IFI27L1: variants seen among roughly 807,000 people sequenced by gnomAD.
IFI27L1 encodes the protein interferon alpha-inducible protein 27-like protein 1.
Under a neutral mutation model 9.2 loss-of-function variants are expected in IFI27L1, and 3 were observed. The ratio of observed to expected loss-of-function variants is 0.32; its 90% CI spans 0.15 to 0.84. The LOEUF is 0.84. Ranked by LOEUF, IFI27L1 falls within the 40% of genes least tolerant of loss-of-function variation. The probability of loss-of-function intolerance (pLI) is 0.56; values close to 1 mark genes in which losing one functional copy is unlikely to be tolerated. For missense variants in IFI27L1, 133 were observed against 134.2 expected, an observed-to-expected ratio of 0.99 and a Z score of 0.05; for synonymous variants, 53 against 50.0, an observed-to-expected ratio of 1.06 and a Z score of -0.26.
intron 1 of IFI27L1, among the ~76,000 whole-genome samples, chr14:94,092,470 C>G (rs2139267773): frequency 6.6e-6 from 1 of 152,158 alleles, no homozygotes; most frequent in Middle Eastern, 3.4e-3. Context: ...AAGATTGCAC[C>G]ACTGCACTCC....
chr14:94,100,707 TTTGTTG>T (rs547225458), intron 2 of IFI27L1, 26 bp from the exon 3 acceptor site: 165 of 1,594,562 alleles, frequency 1.0e-4, no homozygotes, highest in Non-Finnish European at 1.3e-4. Flanking sequence ...TGTTTGTTTG[TTTGTTG>T]TTGTTGTTGT....
intron 1 of IFI27L1, among the ~76,000 whole-genome samples, chr14:94,085,543 AT>A (rs2141445414): frequency 6.6e-6 from 1 of 152,290 alleles, no homozygotes; most frequent in South Asian, 2.1e-4. Context: ...GGGAAAACAC[AT>A]TTCGGCGAAA....
intron 1 of IFI27L1, among the ~76,000 whole-genome samples, chr14:94,088,606 A>G (rs1567067547): frequency 6.6e-6 from 1 of 151,178 alleles, no homozygotes; most frequent in East Asian, 1.9e-4. Flanking sequence ...ACAATCTTAT[A>G]GTCACCTAAT....
chr14:94,098,372 C>G (rs2092789), intron 2 of IFI27L1, among the ~76,000 whole-genome samples: 66,564 of 151,550 alleles, frequency 0.44, 14,997 homozygotes, highest in South Asian at 0.57. Flanking sequence ...ACGTGGGCTT[C>G]TCCCTGTGTG....
chr14:94,094,523 T>G (rs1246848811), intron 1 of IFI27L1, among the ~76,000 whole-genome samples: 1 of 152,148 alleles, frequency 6.6e-6, no homozygotes, highest in African/African-American at 2.4e-5. Flanking sequence ...CAAAAGACTT[T>G]GCTGATAAAG....
At chr14:94,097,095 T>A (rs1886702979) in intron 2 of IFI27L1, 130 bp downstream of exon 2, 1 of 673,430 alleles carries the variant, frequency 1.5e-6, no homozygotes, top group Non-Finnish European at 2.5e-6. Flanking sequence ...GGAAAAGAAT[T>A]ATTCAGGAAT....
intron 1 of IFI27L1, among the ~76,000 whole-genome samples, chr14:94,087,717 T>C (rs9323900): frequency 0.61 from 93,021 of 151,780 alleles, 30,238 homozygotes; most frequent in East Asian, 0.95. Flanking sequence ...TGAGCCACCG[T>C]GCCCAGCCGA....
rs901556259 is a variant in IFI27L1 at position 94,084,331 on chromosome 14, G to A, written c.-52+2882G>A. Among the ~76,000 whole-genome samples, 6 of 152,178 alleles carry A rather than the reference G, an allele frequency of 3.9e-5. No individual in the cohort carries two copies. In the South Asian group the frequency reaches 6.2e-4, roughly 16 times the overall value. ...AGCCCAGGCGACATGGTGAAACCCC[G>A]TCTCTACAAAAAATGCAAAAATTAA... On this transcript the variant is annotated intron_variant, in intron 1 of 4. Transcript: ENST00000555523.
chr14:94,088,017 A>T (rs4905157), intron 1 of IFI27L1, among the ~76,000 whole-genome samples: 21,396 of 152,146 alleles, frequency 0.14, 1,949 homozygotes, highest in East Asian at 0.5. Context: ...CCTGAGGCAG[A>T]TTATAAGGAT....
At chr14:94,100,305 C>A in intron 2 of IFI27L1, 1 of 985,372 alleles carries the variant, frequency 1.0e-6, no homozygotes, top group Non-Finnish European at 1.2e-6. Context: ...GCGCCTCTTC[C>A]TGGGGAGGTG....
At chr14:94,101,113 C>A in intron 3 of IFI27L1, 1 of 506,344 alleles carries the variant, frequency 2.0e-6, no homozygotes, top group Non-Finnish European at 3.5e-6. Context: ...GGGAGTATGT[C>A]AGCTGAGCTG....
intron 1 of IFI27L1, among the ~76,000 whole-genome samples, chr14:94,092,524 A>T (rs1314470484): frequency 6.6e-6 from 1 of 152,148 alleles, no homozygotes; most frequent in African/African-American, 2.4e-5. Context: ...AACAAAACAA[A>T]ACAAAACAAA....
chr14:94,097,041 C>T (rs1173155113), intron 2 of IFI27L1, 76 bp downstream of exon 2: 4 of 1,205,468 alleles, frequency 3.3e-6, no homozygotes, highest in African/African-American at 1.5e-5. Context: ...TCTTCTGACA[C>T]CAGATTATGT....
chr14:94,098,641 G>A (rs941200156), intron 2 of IFI27L1, among the ~76,000 whole-genome samples: 1 of 152,288 alleles, frequency 6.6e-6, no homozygotes, highest in Admixed American at 6.5e-5. Flanking sequence ...AGCTGGGAAC[G>A]TTGAGGCCCG....
intron 1 of IFI27L1, among the ~76,000 whole-genome samples, chr14:94,093,818 G>GT (rs1183491005): frequency 6.6e-6 from 1 of 152,152 alleles, no homozygotes; most frequent in East Asian, 1.9e-4. Flanking sequence ...AAATAAGGAT[G>GT]TGTCTATCTT....
At chr14:94,087,506 A>G (rs1886320923) in intron 1 of IFI27L1, among the ~76,000 whole-genome samples, 1 of 152,148 alleles carries the variant, frequency 6.6e-6, no homozygotes, top group Non-Finnish European at 1.5e-5. Flanking sequence ...GCTCACTGCG[A>G]GCTCCGCCTC....
chr14:94,097,047 T>C, intron 2 of IFI27L1, 82 bp downstream of exon 2: 1 of 1,096,178 alleles, frequency 9.1e-7, no homozygotes, highest in Non-Finnish European at 1.3e-6. Context: ...GACACCAGAT[T>C]ATGTCAACCC....
intron 1 of IFI27L1, among the ~76,000 whole-genome samples, chr14:94,087,468 G>A (rs933508658): frequency 1.3e-4 from 20 of 152,004 alleles, no homozygotes; most frequent in Admixed American, 6.6e-4. Context: ...ACTCTGTCAC[G>A]CAGGCTGGAG....
At chr14:94,082,435 G>A (rs1391590892) in intron 1 of IFI27L1, among the ~76,000 whole-genome samples, 2 of 151,666 alleles carry the variant, frequency 1.3e-5, no homozygotes, top group Non-Finnish European at 2.9e-5. Context: ...TGATGAAGGT[G>A]GCCACTGAAC....
Sources: gnomAD v4.1 joint callset for allele counts (sites outside exome capture counted in the v4.1 genomes callset) on GRCh38, gnomAD v4.1.1 for gene constraint, MANE v1.5 for transcripts, NCBI Gene and HGNC (gene_info 2026-07-23, HGNC 2026-07-21) for gene names.